The following OR8G1 variants were observed in gnomAD, a reference collection of about 807,000 sequenced individuals.
The protein encoded by OR8G1 is olfactory receptor family 8 subfamily G member 1.
For missense variants in OR8G1, 372 were observed against 356.2 expected (o/e 1.04, Z -0.36); for synonymous variants, 129 against 133.3 (o/e 0.97, Z 0.22).
chr11:124,248,208 C>A (rs970940025), intron 2 of OR8G1, among the ~76,000 whole-genome samples: 4 of 151,762 alleles, frequency 2.6e-5, no homozygotes, highest in African/African-American at 9.7e-5. Flanking sequence ...AATTTTCTTG[C>A]CTTCATATTA....
intron 1 of OR8G1, among the ~76,000 whole-genome samples, chr11:124,244,781 C>T (rs191227616): frequency 8.8e-4 from 134 of 151,954 alleles, no homozygotes; most frequent in African/African-American, 3.1e-3. Flanking sequence ...ACTCCCATAT[C>T]GGGCTAAATT....
chr11:124,250,766 C>A lies in OR8G1; in HGVS notation c.*155C>A. 2.9e-6 allele frequency: 1 copy of A among 343,314 alleles called. No individual in the cohort carries two copies. Among genetic ancestry groups the A allele is most frequent in the Admixed American group, 4.8e-5 (1 of 20,996 alleles). The allele number at this position is 343,314 out of a possible 1,614,324, so 21.3% of individuals were successfully genotyped here. ...TTTTCATTTCATGACCCTTTGATGTCATTTCCCATGTGGGGTTTTAACTCA... is the reference window on the plus strand; with the variant it reads ...TTTTCATTTCATGACCCTTTGATGTAATTTCCCATGTGGGGTTTTAACTCA... On this transcript the variant is annotated 3_prime_UTR_variant, in exon 3 of 3. Coordinates refer to ENST00000641972, the MANE Select transcript of OR8G1 (RefSeq NM_001002905.2).
rs1267868085 is a variant in OR8G1 at position 124,241,252 on chromosome 11, A to G, written c.-209A>G. The G allele has an allele frequency of 6.6e-6, 1 of 152,100 alleles. No homozygotes were observed. The highest frequency in any genetic ancestry group is 1.9e-4 in the East Asian group (1 of 5,172). The allele number at this position is 152,100 out of a possible 1,614,324, so 9.4% of individuals were successfully genotyped here. ...GAATGCTGGGTGTCTATGACTCTCAACACCAACATTAATGCCATGTCAGGA... is the reference window on the plus strand; with the variant it reads ...GAATGCTGGGTGTCTATGACTCTCAGCACCAACATTAATGCCATGTCAGGA... On this transcript the variant is annotated 5_prime_UTR_variant, in exon 1 of 3. Coordinates refer to ENST00000641972, the MANE Select transcript of OR8G1 (RefSeq NM_001002905.2).
rs1344214467 is a variant in OR8G1 at position 124,250,308 on chromosome 11, C to G, written c.633C>G (p.Ser211Arg). Reference protein sequence around the residue: ...CVGAFNILVPSLTILCSYIFI... With the variant: ...CVGAFNILVPRLTILCSYIFI... Reference sequence around the variant, plus strand: ...GTGCATTTAACATCCTTGTCCCCAGCCTGACCATCCTTTGCTCTTACATCT... The same window carrying G: ...GTGCATTTAACATCCTTGTCCCCAGGCTGACCATCCTTTGCTCTTACATCT... The change falls in exon 3 of 3, where the codon AGC (serine) becomes AGG (arginine). Residue 211 changes from serine to arginine, a missense_variant. Coordinates refer to ENST00000641972, the MANE Select transcript of OR8G1 (RefSeq NM_001002905.2). 4.3e-6 allele frequency: 7 copies of G among 1,613,774 alleles called. No homozygotes were observed. The highest frequency in any genetic ancestry group is 5.9e-6 in the Non-Finnish European group (7 of 1,179,794).
At chr11:124,243,882 A>G (rs938869259) in intron 1 of OR8G1, among the ~76,000 whole-genome samples, 1 of 152,024 alleles carries the variant, frequency 6.6e-6, no homozygotes, top group Non-Finnish European at 1.5e-5. Context: ...ATGTATATCT[A>G]TGTAACAAAC....
intron 1 of OR8G1, among the ~76,000 whole-genome samples, chr11:124,241,647 A>G (rs571203700): frequency 4.5e-4 from 69 of 152,248 alleles, no homozygotes; most frequent in African/African-American, 1.6e-3. Flanking sequence ...GATCAACTTA[A>G]TTACAATAAA....
chr11:124,250,538 T>G lies in OR8G1; in HGVS notation c.863T>G (p.Leu288Arg). Residue 288 changes from leucine to arginine, a missense_variant, in exon 3 of 3, where the codon CTG (leucine) becomes CGG (arginine). Physicochemically the swap from Leu to Arg is moderately radical, Grantham distance 102. Transcript: ENST00000641972. ...YTIIVPMLNP[L>R]IYSLRNKDVH... ...ATTATTGTGCCCATGTTGAACCCTC[T>G]GATTTATAGCCTGAGGAATAAAGAT... 5.1e-6 allele frequency: 6 copies of G among 1,171,162 alleles called. No individual in the cohort carries two copies. The highest frequency in any genetic ancestry group is 4.3e-5 in the Admixed American group (2 of 47,006). 72.5% of individuals were successfully genotyped at this position (1,171,162 alleles called of 1,614,324 possible).
chr11:124,242,806 GAAGTT>G (rs1223523035), intron 1 of OR8G1, among the ~76,000 whole-genome samples: 1 of 151,942 alleles, frequency 6.6e-6, no homozygotes, highest in Non-Finnish European at 1.5e-5. Flanking sequence ...ACTAAGACTG[GAAGTT>G]AAGTATTTTT....
At chr11:124,242,776 A>G (rs1375426913) in intron 1 of OR8G1, among the ~76,000 whole-genome samples, 3 of 152,118 alleles carry the variant, frequency 2.0e-5, no homozygotes, top group African/African-American at 7.2e-5. Flanking sequence ...TATGTTGTAC[A>G]TAAAGAATTA....
Position 124,250,100 on chromosome 11 carries a change from T to C in OR8G1, c.425T>C (p.Phe142Ser). The C allele has an allele frequency of 6.2e-7, 1 of 1,613,794 alleles. No homozygotes were observed. Among genetic ancestry groups the C allele is most frequent in the Non-Finnish European group, 8.5e-7 (1 of 1,179,820 alleles). The change falls in exon 3 of 3, where the codon TTT becomes TCT. Residue 142 changes from phenylalanine (F) to serine (S), a missense_variant. Transcript: ENST00000641972. ...YSVIISNKAC[F>S]SLILGVYIIG... ...GTCATCATATCCAATAAGGCTTGCT[T>C]TTCTCTGATTTTAGGGGTGTATATA...
intron 1 of OR8G1, among the ~76,000 whole-genome samples, chr11:124,246,472 G>T (rs1861811491): frequency 6.6e-6 from 1 of 151,804 alleles, no homozygotes; most frequent in African/African-American, 2.4e-5. Flanking sequence ...AAAAAGGAAA[G>T]TTTAGGCAAG....
chr11:124,245,951 C>T (rs1427704416), intron 1 of OR8G1, among the ~76,000 whole-genome samples: 3 of 132,514 alleles, frequency 2.3e-5, no homozygotes, highest in Non-Finnish European at 4.8e-5. Context: ...AAAATTTTCT[C>T]CCATGTTGTA....
Position 124,247,837 on chromosome 11 carries a change from T to G in OR8G1, c.-60T>G, listed in dbSNP as rs1861826944. 6.6e-6 allele frequency: 1 copy of G among 151,918 alleles called. No homozygotes were observed. The highest frequency in any genetic ancestry group is 1.5e-5 in the Non-Finnish European group (1 of 67,856). The allele number at this position is 151,918 out of a possible 1,614,324, so 9.4% of individuals were successfully genotyped here. A position where few individuals can be genotyped will look rare whatever the true frequency, so the allele number is the denominator to read the frequency against. On this transcript the variant is annotated 5_prime_UTR_variant, in exon 2 of 3. Coordinates refer to ENST00000641972, the MANE Select transcript of OR8G1 (RefSeq NM_001002905.2). ...TATGAATAAGGCTGTCATGAACATT[T>G]TTGTATAAATCTTCATGTAGACAAA...
chr11:124,244,243 T>C (rs1476740199), intron 1 of OR8G1, among the ~76,000 whole-genome samples: 2 of 152,002 alleles, frequency 1.3e-5, no homozygotes, highest in Non-Finnish European at 2.9e-5. Flanking sequence ...AAGACTAAGA[T>C]GTCTCTAGGG....
At chr11:124,246,070 T>C (rs970046428) in intron 1 of OR8G1, among the ~76,000 whole-genome samples, 1 of 150,520 alleles carries the variant, frequency 6.6e-6, no homozygotes, top group Admixed American at 6.6e-5. Flanking sequence ...TTTTGGTGTT[T>C]TAGGCATGAA....
At chr11:124,249,241 A>G (rs1179842590) in intron 2 of OR8G1, among the ~76,000 whole-genome samples, 2 of 152,146 alleles carry the variant, frequency 1.3e-5, no homozygotes, top group Admixed American at 1.3e-4. Context: ...AAAATCTGAC[A>G]GTAATATCTC....
Position 124,251,522 on chromosome 11 carries a change from G to T in OR8G1, c.*911G>T. On this transcript the variant is annotated 3_prime_UTR_variant, in exon 3 of 3. Transcript: ENST00000641972. Reference sequence around the variant, plus strand: ...TGACCTATTCTATGCTAAGATGTATGTGTATTTGTTCTGTGAAAAATCCCA... The same window carrying T: ...TGACCTATTCTATGCTAAGATGTATTTGTATTTGTTCTGTGAAAAATCCCA... The T allele has an allele frequency of 2.1e-6, 1 of 480,048 alleles. No homozygotes were observed. The highest frequency in any genetic ancestry group is 3.5e-6 in the Non-Finnish European group (1 of 288,728). The allele number at this position is 480,048 out of a possible 1,614,324, so 29.7% of individuals were successfully genotyped here.
chr11:124,244,171 A>AGAGAACG (rs1861789365), intron 1 of OR8G1, among the ~76,000 whole-genome samples: 1 of 151,878 alleles, frequency 6.6e-6, no homozygotes, highest in Non-Finnish European at 1.5e-5. Context: ...AGAGATGGAG[A>AGAGAACG]AGCAGGGTGG....
Position 124,252,659 on chromosome 11 carries a change from A to G in OR8G1, c.*2048A>G, listed in dbSNP as rs1455657902. 5 of 152,190 alleles carry G rather than the reference A, an allele frequency of 3.3e-5. No homozygotes were observed. The highest frequency in any genetic ancestry group is 9.6e-5 in the African/African-American group (4 of 41,456). 9.4% of individuals were successfully genotyped at this position (152,190 alleles called of 1,614,324 possible). ...AAACACCCTTGGTTTCTCATGCCAC[A>G]TTCTTTCAGACTACCTCCTGTTTCT... On this transcript the variant is annotated 3_prime_UTR_variant, in exon 3 of 3. Coordinates refer to ENST00000641972, the MANE Select transcript of OR8G1 (RefSeq NM_001002905.2).
Sources: allele counts gnomAD v4.1 joint callset (sites outside exome capture counted in the v4.1 genomes callset), GRCh38; gene constraint gnomAD v4.1.1; transcripts MANE v1.5; gene names NCBI Gene and HGNC (gene_info 2026-07-23, HGNC 2026-07-21).